Variants in NKAIN3 observed in about 807,000 individuals in gnomAD.
NKAIN3 encodes sodium/potassium-transporting ATPase subunit beta-1-interacting protein 3.
NKAIN3 carries 25 observed loss-of-function variants against 30.2 expected under a neutral mutation model. The observed-to-expected ratio is 0.83, with a 90% CI of 0.60 to 1.16. The LOEUF is 1.16. Ranked by LOEUF, NKAIN3 falls within the 50% of genes most tolerant of loss-of-function variation. The pLI is 0.00. For missense variants in NKAIN3, 225 were observed against 254.1 expected (o/e 0.89, Z 0.78); for synonymous variants, 91 against 89.6 (o/e 1.02, Z -0.09).
chr8:62,285,954 C>G (rs145127119), intron 1 of NKAIN3, among the ~76,000 whole-genome samples: 9 of 152,112 alleles, frequency 5.9e-5, no homozygotes, highest in Non-Finnish European at 1.2e-4. Flanking sequence ...GTATGATGCA[C>G]CTTCTTCCAT....
At chr8:62,536,978 C>T (rs1195989058) in intron 1 of NKAIN3, among the ~76,000 whole-genome samples, 21 of 152,174 alleles carry the variant, frequency 1.4e-4, no homozygotes, top group Non-Finnish European at 2.9e-5. Flanking sequence ...GTTGTTGAAA[C>T]TCAGGGAGCA....
chr8:62,945,903 G>T (rs1050600024), intron 5 of NKAIN3, among the ~76,000 whole-genome samples: 1 of 152,192 alleles, frequency 6.6e-6, no homozygotes, highest in Non-Finnish European at 1.5e-5. Flanking sequence ...ACCTGAGACT[G>T]AGGGGGACAG....
intron 4 of NKAIN3, among the ~76,000 whole-genome samples, chr8:62,802,697 T>C (rs1201478209): frequency 1.3e-5 from 2 of 152,114 alleles, no homozygotes; most frequent in African/African-American, 2.4e-5. Context: ...TAGGAAGAAA[T>C]TGCATCAATT....
At chr8:62,822,651 G>T (rs1818883933) in intron 4 of NKAIN3, among the ~76,000 whole-genome samples, 1 of 152,126 alleles carries the variant, frequency 6.6e-6, no homozygotes, top group Non-Finnish European at 1.5e-5. Flanking sequence ...TGTCATTCTT[G>T]GGCTAAATAT....
At chr8:62,627,680 A>T (rs1811833218) in intron 3 of NKAIN3, among the ~76,000 whole-genome samples, 1 of 152,056 alleles carries the variant, frequency 6.6e-6, no homozygotes, top group Non-Finnish European at 1.5e-5. Context: ...CAAGCTTAAA[A>T]ATCTCCTTTT....
intron 3 of NKAIN3, among the ~76,000 whole-genome samples, chr8:62,679,058 A>T (rs1307408072): frequency 6.6e-6 from 1 of 152,226 alleles, no homozygotes; most frequent in Non-Finnish European, 1.5e-5. Context: ...TAGAGATCCC[A>T]GATTGGGACT....
At chr8:62,553,107 A>G (rs1809269381) in intron 1 of NKAIN3, among the ~76,000 whole-genome samples, 1 of 152,158 alleles carries the variant, frequency 6.6e-6, no homozygotes, top group African/African-American at 2.4e-5. Context: ...TTATCACTCT[A>G]GTGCAGAAAT....
intron 3 of NKAIN3, among the ~76,000 whole-genome samples, chr8:62,618,537 T>G (rs906110627): frequency 6.6e-6 from 1 of 152,050 alleles, no homozygotes; most frequent in African/African-American, 2.4e-5. Context: ...GGTGGCTTTT[T>G]TTTTTCTTTT....
intron 4 of NKAIN3, among the ~76,000 whole-genome samples, chr8:62,846,501 G>T (rs1819694283): frequency 6.6e-6 from 1 of 151,748 alleles, no homozygotes; most frequent in Admixed American, 6.6e-5. Flanking sequence ...CCTCCAACAG[G>T]TCCCATGTAT....
intron 3 of NKAIN3, among the ~76,000 whole-genome samples, chr8:62,631,892 A>C (rs999295181): frequency 2.6e-4 from 39 of 152,290 alleles, no homozygotes; most frequent in African/African-American, 8.7e-4. Context: ...TAAGTCACTT[A>C]AGGGTGAGTA....
intron 1 of NKAIN3, among the ~76,000 whole-genome samples, chr8:62,291,301 G>A (rs982506937): frequency 2.4e-4 from 36 of 152,078 alleles, no homozygotes; most frequent in Non-Finnish European, 3.8e-4. Flanking sequence ...GTTTGCTCTT[G>A]CTTCTCTAGT....
intron 4 of NKAIN3, among the ~76,000 whole-genome samples, chr8:62,829,493 A>G (rs1675331939): frequency 6.6e-6 from 1 of 152,232 alleles, no homozygotes; most frequent in African/African-American, 2.4e-5. Flanking sequence ...AGGTCCCTGA[A>G]GTGGGCTTGT....
At chr8:62,290,558 G>T (rs879135879) in intron 1 of NKAIN3, among the ~76,000 whole-genome samples, 1 of 152,180 alleles carries the variant, frequency 6.6e-6, no homozygotes, top group African/African-American at 2.4e-5. Context: ...ATTTGCATAT[G>T]TTGAACCAGC....
intron 4 of NKAIN3, among the ~76,000 whole-genome samples, chr8:62,913,995 A>G (rs1822002339): frequency 6.6e-6 from 1 of 152,210 alleles, no homozygotes; most frequent in Non-Finnish European, 1.5e-5. Context: ...GTTACTGGGT[A>G]TATACCCAAA....
chr8:62,291,629 C>T (rs1319867640), intron 1 of NKAIN3, among the ~76,000 whole-genome samples: 1 of 152,164 alleles, frequency 6.6e-6, no homozygotes, highest in Non-Finnish European at 1.5e-5. Context: ...TGTTCTTTTA[C>T]ATTTGCTGAG....
intron 4 of NKAIN3, among the ~76,000 whole-genome samples, chr8:62,849,229 CG>C (rs1215869783): frequency 6.7e-6 from 1 of 149,988 alleles, no homozygotes; most frequent in Non-Finnish European, 1.5e-5. Context: ...TAGTTTCAGT[CG>C]GAGTGGTACC....
intron 1 of NKAIN3, among the ~76,000 whole-genome samples, chr8:62,306,116 TAG>T (rs1282751795): frequency 6.6e-6 from 1 of 150,722 alleles, no homozygotes; most frequent in Non-Finnish European, 1.5e-5. Context: ...TTTGTGTTAA[TAG>T]AGTTAGTTTA....
chr8:62,535,638 G>A (rs887382397), intron 1 of NKAIN3, among the ~76,000 whole-genome samples: 1 of 152,150 alleles, frequency 6.6e-6, no homozygotes, highest in Non-Finnish European at 1.5e-5. Flanking sequence ...GGATCAAGAT[G>A]AGGAGATGTA....
chr8:62,736,496 C>G (rs559077739), intron 3 of NKAIN3, among the ~76,000 whole-genome samples: 1 of 152,258 alleles, frequency 6.6e-6, no homozygotes, highest in East Asian at 1.9e-4. Flanking sequence ...TCAGCTCCCA[C>G]GCAGCACCAA....
Sources: allele counts gnomAD v4.1 joint callset (sites outside exome capture counted in the v4.1 genomes callset), GRCh38; gene constraint gnomAD v4.1.1; transcripts MANE v1.5; gene names NCBI Gene and HGNC (gene_info 2026-07-23, HGNC 2026-07-21).